The following CCDC91 variants were observed in gnomAD, a reference collection of about 807,000 sequenced individuals.
CCDC91 encodes the protein coiled-coil domain-containing protein 91.
In CCDC91, 48 loss-of-function variants were observed where a neutral mutation model predicts 63.2. The observed-to-expected ratio is 0.76, with a 90% confidence interval of 0.60 to 0.97. The LOEUF (loss-of-function observed/expected upper bound fraction) is 0.97. Ranked by LOEUF, CCDC91 falls within the 50% of genes least tolerant of loss-of-function variation. The pLI, the probability that CCDC91 is intolerant of heterozygous loss-of-function variation, is 0.00. For synonymous variants in CCDC91, 167 were observed against 165.8 expected (o/e 1.01, Z -0.06); for missense variants, 500 against 494.6 (o/e 1.01, Z -0.10).
At chr12:28,543,590 C>T (rs1223954106) in intron 12 of CCDC91, among the ~76,000 whole-genome samples, 2 of 151,972 alleles carry the variant, frequency 1.3e-5, no homozygotes, top group South Asian at 2.1e-4. Context: ...AGTCCTGTAA[C>T]CTTTTCTCTT....
At chr12:28,269,259 T>A (rs1947576695) in intron 3 of CCDC91, among the ~76,000 whole-genome samples, 1 of 152,146 alleles carries the variant, frequency 6.6e-6, no homozygotes, top group Admixed American at 6.6e-5. Context: ...TTCTCCTCTG[T>A]ATTTGTGGTA....
chr12:28,456,082 A>C (rs1950044792), intron 11 of CCDC91, among the ~76,000 whole-genome samples: 1 of 152,126 alleles, frequency 6.6e-6, no homozygotes, highest in Admixed American at 6.6e-5. Context: ...TAGTGTTTGA[A>C]ATGATCCTAG....
At chr12:28,363,554 G>A (rs1944044295) in intron 7 of CCDC91, among the ~76,000 whole-genome samples, 1 of 152,176 alleles carries the variant, frequency 6.6e-6, no homozygotes, top group Non-Finnish European at 1.5e-5. Flanking sequence ...AGAAGTTAAT[G>A]TCATTTTAGT....
At chr12:28,247,118 T>C (rs1945792221) in intron 1 of CCDC91, among the ~76,000 whole-genome samples, 1 of 152,190 alleles carries the variant, frequency 6.6e-6, no homozygotes, top group African/African-American at 2.4e-5. Context: ...GATTACAGGA[T>C]ATGGATCTGA....
At position 28,223,982 on chromosome 12, in the gene CCDC91, A is replaced by C. The variant is rs143533372; in HGVS notation, c.-14-33220A>C. Among the ~76,000 whole-genome samples, 210 of 152,314 alleles carry C rather than the reference A, an allele frequency of 1.4e-3. 1 individual carries two copies. The highest frequency in any genetic ancestry group is 2.6e-3 in the Non-Finnish European group (174 of 68,022). ...TTTTCATGGATAGTCTGCTTGTCTCAGAAAGCCTAAAGCGGAGTCTTTTAC... is the reference window on the plus strand; with the variant it reads ...TTTTCATGGATAGTCTGCTTGTCTCCGAAAGCCTAAAGCGGAGTCTTTTAC... On this transcript the variant is annotated intron_variant, in intron 1 of 12. Transcript: ENST00000536442.
At chr12:28,441,197 A>G (rs1311251850) in intron 8 of CCDC91, among the ~76,000 whole-genome samples, 1 of 152,042 alleles carries the variant, frequency 6.6e-6, no homozygotes, top group Admixed American at 6.6e-5. Flanking sequence ...AATGAGAGAG[A>G]GACTTTTGTA....
At chr12:28,340,728 G>A (rs551213083) in intron 6 of CCDC91, among the ~76,000 whole-genome samples, 1 of 152,200 alleles carries the variant, frequency 6.6e-6, no homozygotes, top group Admixed American at 6.5e-5. Flanking sequence ...GTGTCTAGGG[G>A]TGAATGTTTA....
chr12:28,322,053 T>TGC (rs1940560585), intron 6 of CCDC91, among the ~76,000 whole-genome samples: 2 of 151,814 alleles, frequency 1.3e-5, no homozygotes, highest in Non-Finnish European at 2.9e-5. Flanking sequence ...GAAATGTTTA[T>TGC]TTTCTTTAAA....
intron 1 of CCDC91, among the ~76,000 whole-genome samples, chr12:28,192,369 G>C (rs771104804): frequency 4.8e-4 from 73 of 152,144 alleles, no homozygotes; most frequent in Non-Finnish European, 9.0e-4. Flanking sequence ...AGAGTGGATG[G>C]GTGGATAAGA....
chr12:28,301,608 C>G (rs566518679), intron 3 of CCDC91, among the ~76,000 whole-genome samples: 1 of 151,422 alleles, frequency 6.6e-6, no homozygotes, highest in Admixed American at 6.6e-5. Flanking sequence ...CCTTCATTTT[C>G]AGTGTTCTTC....
At chr12:28,228,432 T>C (rs1489345554) in intron 1 of CCDC91, among the ~76,000 whole-genome samples, 1 of 152,134 alleles carries the variant, frequency 6.6e-6, no homozygotes, top group Non-Finnish European at 1.5e-5. Flanking sequence ...TAATTCATTG[T>C]ATGATTCCTA....
intron 3 of CCDC91, among the ~76,000 whole-genome samples, chr12:28,280,368 C>G (rs1948525218): frequency 6.6e-6 from 1 of 151,902 alleles, no homozygotes; most frequent in African/African-American, 2.4e-5. Context: ...CTGTATACAT[C>G]TCTGATGTTT....
At chr12:28,433,771 T>C (rs570020879) in intron 8 of CCDC91, among the ~76,000 whole-genome samples, 1 of 152,054 alleles carries the variant, frequency 6.6e-6, no homozygotes, top group Non-Finnish European at 1.5e-5. Flanking sequence ...TGAAATTTCA[T>C]TGAAACTCTA....
chr12:28,450,555 C>A (rs1565994023), intron 10 of CCDC91, 137 bp downstream of exon 10: 1 of 624,564 alleles, frequency 1.6e-6, no homozygotes, highest in African/African-American at 1.9e-5. Flanking sequence ...TACTTTTAAA[C>A]TTAAGATATG....
rs539074654 is a variant in CCDC91, at chr12:28,253,882, TTTC to T, written c.-14-3314_-14-3312del. 2.9e-4 allele frequency among the ~76,000 whole-genome samples: 44 copies of T among 152,354 alleles called. 2 individuals are homozygous for T. In the South Asian group the frequency reaches 8.7e-3, roughly 30 times the overall value. On this transcript the variant is annotated intron_variant, in intron 1 of 12. Transcript: ENST00000536442. The stretch of plus-strand genomic sequence containing the variant: ...CCAGATATATCATCTTCTGAAAATC[TTTC>T]TTCTTACTTTGGAAATTTTTTCTTC...
intron 12 of CCDC91, among the ~76,000 whole-genome samples, chr12:28,520,388 C>T (rs1386728784): frequency 1.3e-5 from 2 of 152,138 alleles, no homozygotes; most frequent in African/African-American, 2.4e-5. Context: ...AGTGTCCGTT[C>T]TTACCTTTTG....
intron 12 of CCDC91, among the ~76,000 whole-genome samples, chr12:28,523,552 A>G (rs1234193412): frequency 6.6e-6 from 1 of 151,996 alleles, no homozygotes; most frequent in Non-Finnish European, 1.5e-5. Flanking sequence ...TGTCTTTTAA[A>G]TGGAGCATTT....
intron 1 of CCDC91, among the ~76,000 whole-genome samples, chr12:28,249,033 G>A (rs1329139972): frequency 6.6e-6 from 1 of 152,074 alleles, no homozygotes. Context: ...AAGAAGTTGA[G>A]GGACTTCTCT....
intron 12 of CCDC91, among the ~76,000 whole-genome samples, chr12:28,485,035 G>A (rs1322707826): frequency 5.3e-5 from 8 of 151,678 alleles, no homozygotes; most frequent in Admixed American, 2.6e-4. Context: ...TGACACAATA[G>A]CTAAACTTAA....
Sources: allele counts gnomAD v4.1 joint callset (sites outside exome capture counted in the v4.1 genomes callset), GRCh38; gene constraint gnomAD v4.1.1; transcripts MANE v1.5; gene names NCBI Gene and HGNC (gene_info 2026-07-23, HGNC 2026-07-21).